MPRIP: variants seen among roughly 807,000 people sequenced by gnomAD.
MPRIP encodes the protein myosin phosphatase Rho interacting protein, also known as myosin phosphatase Rho-interacting protein.
A neutral mutation model predicts 234.9 loss-of-function variants in MPRIP; 59 were observed. The observed-to-expected ratio is 0.25, with a 90% CI of 0.20 to 0.31. The LOEUF is 0.31. MPRIP is among the 10% of genes least tolerant of loss of function. The probability of loss-of-function intolerance (pLI) is 1.00; values close to 1 mark genes in which losing one functional copy is unlikely to be tolerated. For missense variants in MPRIP, 2,436 were observed against 3,071.0 expected (o/e 0.79, Z 4.89); for synonymous variants, 1,144 against 1,263.9 (o/e 0.91, Z 2.01).
intron 3 of MPRIP, among the ~76,000 whole-genome samples, chr17:17,085,055 T>C (rs928457872): frequency 7.9e-5 from 12 of 152,194 alleles, no homozygotes; most frequent in African/African-American, 2.9e-4. Flanking sequence ...CTGTCATGTT[T>C]CAGCCTTGCC....
chr17:17,082,617 G>A (rs908377325), intron 3 of MPRIP, among the ~76,000 whole-genome samples: 2 of 152,116 alleles, frequency 1.3e-5, no homozygotes, highest in Non-Finnish European at 2.9e-5. Flanking sequence ...TTTAACTGTG[G>A]TAAGTACACT....
In MPRIP at chr17:17,146,052, T is replaced by G; in HGVS notation, c.1520T>G (p.Phe507Cys). 6.2e-7 allele frequency: 1 copy of G among 1,614,120 alleles called. No individual in the cohort carries two copies. The highest frequency in any genetic ancestry group is 8.5e-7 in the Non-Finnish European group (1 of 1,180,016). Reference sequence around the variant, plus strand: ...CTTTCTCAGCCCGACCTGCTGAATTTCAAGAAAGGCTGGCTGACTAAGCAG... The same window carrying G: ...CTTTCTCAGCCCGACCTGCTGAATTGCAAGAAAGGCTGGCTGACTAAGCAG... Reference protein sequence around the residue: ...EPSVTPDLLNFKKGWLTKQYE... With the variant: ...EPSVTPDLLNCKKGWLTKQYE... Residue 507 changes from phenylalanine (F) to cysteine (C), a missense_variant, in exon 10 of 24, where the codon TTC (phenylalanine) becomes TGC (cysteine). Phe to Cys is a radical substitution (Grantham distance 205). Around this residue, in one of 4 missense-constraint regions of MPRIP, gnomAD observed 1,998 missense variants for 2,520.3 expected, o/e 0.79. Transcript: ENST00000651222.
At chr17:17,101,364 G>A (rs1356987901) in intron 3 of MPRIP, among the ~76,000 whole-genome samples, 5 of 152,150 alleles carry the variant, frequency 3.3e-5, no homozygotes, top group Admixed American at 1.3e-4. Flanking sequence ...TCAGGAGTTC[G>A]AGACCAGCCT....
chr17:17,158,990 G>A lies in MPRIP; in HGVS notation c.2388G>A (p.Leu796=). 6.2e-7 allele frequency: 1 copy of A among 1,611,892 alleles called. No individual in the cohort carries two copies. The highest frequency in any genetic ancestry group is 8.5e-7 in the Non-Finnish European group (1 of 1,179,320). ...DRLSTHELTS[L]LEKELEQSQK... is the part of the protein sequence containing the mutation. ...TCTCCACACACGAGCTGACCTCTCT[G>A]CTCGAGAAGGAGGTAATAGCCTGGG... Residue 796 remains leucine, a synonymous_variant, in exon 14 of 24, where the codon CTG becomes CTA. Transcript: ENST00000651222.
chr17:17,118,202 G>A (rs1160557984), intron 3 of MPRIP, among the ~76,000 whole-genome samples: 2 of 152,216 alleles, frequency 1.3e-5, no homozygotes, highest in South Asian at 2.1e-4. Context: ...TGGTCTCCCG[G>A]CCCTTCTTTC....
chr17:17,146,071 T>G lies in MPRIP; in HGVS notation c.1539T>G (p.Thr513=). 2 of 1,614,104 alleles carry G rather than the reference T, an allele frequency of 1.2e-6. No individual in the cohort carries two copies. Among genetic ancestry groups the G allele is most frequent in the Non-Finnish European group, 8.5e-7 (1 of 1,180,024 alleles). ...DLLNFKKGWL[T]KQYEDGQWKK... is the part of the protein sequence containing the mutation. Reference sequence around the variant, plus strand: ...TGAATTTCAAGAAAGGCTGGCTGACTAAGCAGTATGAGGACGGCCAGGTGA... The same window carrying G: ...TGAATTTCAAGAAAGGCTGGCTGACGAAGCAGTATGAGGACGGCCAGGTGA... Residue 513 remains threonine (T), a synonymous_variant, in exon 10 of 24, where the codon ACT becomes ACG. Transcript: ENST00000651222.
At chr17:17,151,803 C>G (rs1344375988) in intron 12 of MPRIP, among the ~76,000 whole-genome samples, 1 of 152,222 alleles carries the variant, frequency 6.6e-6, no homozygotes, top group Admixed American at 6.5e-5. Flanking sequence ...TAGTTCGTCA[C>G]TCGCAAGGGC....
At chr17:17,100,654 T>G (rs1171029886) in intron 3 of MPRIP, among the ~76,000 whole-genome samples, 2 of 151,968 alleles carry the variant, frequency 1.3e-5, no homozygotes, top group African/African-American at 4.8e-5. Flanking sequence ...TGTGTGCTCC[T>G]TATGAGAGTC....
chr17:17,172,950 G>C (rs1253096147), intron 18 of MPRIP, 135 bp downstream of exon 18: 2 of 690,988 alleles, frequency 2.9e-6, no homozygotes, highest in Non-Finnish European at 4.9e-6. Flanking sequence ...GCTGAGGGCA[G>C]CTCAGATGCC....
chr17:17,096,262 G>T (rs1011715091), intron 3 of MPRIP, among the ~76,000 whole-genome samples: 16 of 150,700 alleles, frequency 1.1e-4, no homozygotes, highest in Non-Finnish European at 1.8e-4. Context: ...AGCTCTTTGT[G>T]CTTGGCAGGG....
chr17:17,164,964 G>A lies in MPRIP; in HGVS notation c.3373G>A (p.Asp1125Asn), dbSNP rs531686194. The part of the protein sequence containing the change: ...QELTERVATS[D>N]EDVAELREKL... ...GCTGACAGAGCGCGTGGCCACGTCC[G>A]ACGAGGATGTGGCTGAGCTCCGGGA... Residue 1125 changes from aspartate (D) to asparagine (N), a missense_variant, in exon 16 of 24, where the codon GAC becomes AAC. Transcript: ENST00000651222. 26 of 1,303,320 alleles carry A rather than the reference G, an allele frequency of 2.0e-5. No homozygotes were observed. The highest frequency in any genetic ancestry group is 8.6e-5 in the South Asian group (7 of 81,030). 80.7% of individuals were successfully genotyped at this position (1,303,320 alleles called of 1,614,324 possible).
chr17:17,173,361 C>T (rs374181813), intron 18 of MPRIP, among the ~76,000 whole-genome samples: 58 of 152,376 alleles, frequency 3.8e-4, no homozygotes, highest in East Asian at 2.3e-3. Flanking sequence ...ATAGCATAGC[C>T]GAAGCCAGGG....
Position 17,166,997 on chromosome 17 carries a change from T to C in MPRIP, c.5406T>C (p.Ser1802=). The C allele has an allele frequency of 7.7e-7, 1 of 1,304,248 alleles. No homozygotes were observed. Among genetic ancestry groups the C allele is most frequent in the Non-Finnish European group, 1.0e-6 (1 of 988,950 alleles). 80.8% of individuals were successfully genotyped at this position (1,304,248 alleles called of 1,614,324 possible). ...AGGAGATAGCGGCTGCCTTACCATC[T>C]CTGCCACCTGTGGAATCGCTGAGAG... ...LLEEIAAALP[S]LPPVESLRDC... The change falls in exon 16 of 24, where the codon TCT becomes TCC. Residue 1802 remains serine, a synonymous_variant. Transcript: ENST00000651222. The surrounding 1 kb of genome is among the most constrained non-coding windows in gnomAD (Gnocchi z 4.4).
intron 12 of MPRIP, 33 bp from the exon 13 acceptor site, chr17:17,154,273 A>C: frequency 6.3e-7 from 1 of 1,585,760 alleles, no homozygotes; most frequent in South Asian, 1.1e-5. Flanking sequence ...CCTAGGGGAC[A>C]GTCACTGATG....
chr17:17,132,728 C>G (rs921829272), intron 5 of MPRIP, among the ~76,000 whole-genome samples: 2 of 152,230 alleles, frequency 1.3e-5, no homozygotes, highest in African/African-American at 2.4e-5. Flanking sequence ...CCATGGTCAT[C>G]CACCCTCCAT....
At chr17:17,082,380 C>T (rs1308574842) in intron 3 of MPRIP, among the ~76,000 whole-genome samples, 3 of 144,048 alleles carry the variant, frequency 2.1e-5, no homozygotes, top group Middle Eastern at 3.7e-3. Flanking sequence ...ACAGCAACCT[C>T]CGACTCCCAG....
intron 1 of MPRIP, among the ~76,000 whole-genome samples, chr17:17,044,294 A>G (rs1432067843): frequency 6.6e-6 from 1 of 152,170 alleles, no homozygotes; most frequent in Non-Finnish European, 1.5e-5. Context: ...TGTAAAGGAG[A>G]ACTTGATTCC....
chr17:17,079,217 C>T (rs1021140158), intron 3 of MPRIP, among the ~76,000 whole-genome samples: 7 of 152,282 alleles, frequency 4.6e-5, no homozygotes, highest in Admixed American at 3.9e-4. Flanking sequence ...GAGGATGGTA[C>T]CATAATCCTG....
intron 17 of MPRIP, among the ~76,000 whole-genome samples, chr17:17,172,251 T>C (rs571652744): frequency 1.1e-4 from 17 of 152,248 alleles, no homozygotes; most frequent in Non-Finnish European, 1.9e-4. Context: ...CGTGAAGATA[T>C]GTAGCTTCAC....
Sources: allele counts gnomAD v4.1 joint callset (sites outside exome capture counted in the v4.1 genomes callset), GRCh38; gene constraint gnomAD v4.1.1; regional missense constraint gnomAD v4.1.1; non-coding constraint Gnocchi (gnomAD v3.1); transcripts MANE v1.5; gene names NCBI Gene and HGNC (gene_info 2026-07-23, HGNC 2026-07-21).